Variants in KCTD8 observed in about 807,000 individuals in gnomAD.
KCTD8 encodes potassium channel tetramerization domain containing 8.
KCTD8 carries 27 observed loss-of-function variants against 31.5 expected under a neutral mutation model. The ratio of observed to expected loss-of-function variants is 0.86; its 90% CI spans 0.63 to 1.18. The LOEUF (loss-of-function observed/expected upper bound fraction) is 1.18, where lower values mean the gene tolerates loss of function less well. Among genes scored for constraint, KCTD8 ranks in the 50% most tolerant of loss-of-function variants. The pLI, the probability that KCTD8 is intolerant of heterozygous loss-of-function variation, is 0.00. For synonymous variants in KCTD8, 290 were observed against 280.0 expected (o/e 1.04, Z -0.36); for missense variants, 658 against 647.7 (o/e 1.02, Z -0.17).
At chr4:44,280,211 C>T (rs976408398) in intron 1 of KCTD8, among the ~76,000 whole-genome samples, 2 of 151,892 alleles carry the variant, frequency 1.3e-5, no homozygotes, top group African/African-American at 4.8e-5. Context: ...CTGTATTAGG[C>T]CTGAATTAAA....
intron 1 of KCTD8, among the ~76,000 whole-genome samples, chr4:44,412,945 T>A (rs1720995920): frequency 6.6e-6 from 1 of 152,164 alleles, no homozygotes; most frequent in Non-Finnish European, 1.5e-5. Context: ...CTTCCTCACC[T>A]TAACATGATC....
intron 1 of KCTD8, among the ~76,000 whole-genome samples, chr4:44,430,903 GTTAT>G (rs993660094): frequency 2.6e-5 from 4 of 151,112 alleles, no homozygotes; most frequent in African/African-American, 9.7e-5. Flanking sequence ...AGCCCTGATG[GTTAT>G]TTCTCTTTCT....
intron 1 of KCTD8, among the ~76,000 whole-genome samples, chr4:44,397,700 GATT>G (rs1282212749): frequency 6.6e-6 from 1 of 152,026 alleles, no homozygotes; most frequent in Non-Finnish European, 1.5e-5. Flanking sequence ...GTAAAAATGA[GATT>G]ATATCTTCTT....
chr4:44,325,997 C>G (rs1718433536), intron 1 of KCTD8, among the ~76,000 whole-genome samples: 1 of 151,908 alleles, frequency 6.6e-6, no homozygotes, highest in Non-Finnish European at 1.5e-5. Context: ...TAAAGACAAG[C>G]CAACCGTGAC....
chr4:44,410,648 A>G (rs1720931007), intron 1 of KCTD8, among the ~76,000 whole-genome samples: 1 of 152,140 alleles, frequency 6.6e-6, no homozygotes. Context: ...ATCATAGAGG[A>G]AGGCAAGGAG....
rs1328182959 is a variant in KCTD8 at position 44,174,419 on chromosome 4, A to G, written c.*371T>C. The G allele has an allele frequency of 6.0e-6, 1 of 165,916 alleles. No individual in the cohort carries two copies. The highest frequency in any genetic ancestry group is 1.3e-5 in the Non-Finnish European group (1 of 77,356). The allele number at this position is 165,916 out of a possible 1,614,324, so 10.3% of individuals were successfully genotyped here. ...CTTGATGTTGCTTCATCCATATATC[A>G]TTTTAGTTGGTATGATATGATGGTT... On this transcript the variant is annotated 3_prime_UTR_variant, in exon 2 of 2. Coordinates refer to ENST00000360029, the MANE Select transcript of KCTD8 (RefSeq NM_198353.3).
chr4:44,247,856 T>G (rs754384753), intron 1 of KCTD8, among the ~76,000 whole-genome samples: 60 of 151,872 alleles, frequency 4.0e-4, no homozygotes, highest in Non-Finnish European at 8.0e-4. Flanking sequence ...CATCCATTCA[T>G]CGATCAACGG....
intron 1 of KCTD8, among the ~76,000 whole-genome samples, chr4:44,423,216 A>G (rs904766977): frequency 2.0e-5 from 3 of 152,092 alleles, no homozygotes; most frequent in Admixed American, 6.6e-5. Context: ...TACTGAGCCC[A>G]AAATCTCAAT....
chr4:44,376,391 G>C (rs1255042113), intron 1 of KCTD8, among the ~76,000 whole-genome samples: 4 of 152,130 alleles, frequency 2.6e-5, no homozygotes, highest in Admixed American at 6.5e-5. Context: ...AGGTTGTAGG[G>C]CCACCACCCC....
At chr4:44,270,300 C>G (rs1280405854) in intron 1 of KCTD8, among the ~76,000 whole-genome samples, 2 of 148,230 alleles carry the variant, frequency 1.3e-5, no homozygotes, top group Non-Finnish European at 1.5e-5. Context: ...GACAAAAAAC[C>G]AAACACTGCA....
intron 1 of KCTD8, among the ~76,000 whole-genome samples, chr4:44,318,524 T>C (rs1391412016): frequency 6.6e-6 from 1 of 152,152 alleles, no homozygotes; most frequent in Non-Finnish European, 1.5e-5. Flanking sequence ...TAATCAATAT[T>C]GCTAAATACT....
rs114642312 is a variant in KCTD8 at position 44,401,934 on chromosome 4, C to A, written c.961+45629G>T. Among the ~76,000 whole-genome samples the A allele has an allele frequency of 5.5e-3, 840 of 152,218 alleles. 9 individuals are homozygous for A. Among genetic ancestry groups the A allele is most frequent in the African/African-American group, 0.019 (798 of 41,536 alleles). On this transcript the variant is annotated intron_variant, in intron 1 of 1. Coordinates refer to ENST00000360029, the MANE Select transcript of KCTD8 (RefSeq NM_198353.3). ...AATATACCCTCCCAAAATAATTTTA[C>A]ACAAAGAGCCACAAAGTTTGACCAA...
At chr4:44,406,445 G>A (rs1385236499) in intron 1 of KCTD8, among the ~76,000 whole-genome samples, 1 of 152,052 alleles carries the variant, frequency 6.6e-6, no homozygotes, top group Admixed American at 6.6e-5. Context: ...CTGTTCTCAT[G>A]GTAGTGAATA....
At chr4:44,424,666 A>C (rs1247112369) in intron 1 of KCTD8, among the ~76,000 whole-genome samples, 1 of 152,046 alleles carries the variant, frequency 6.6e-6, no homozygotes, top group East Asian at 1.9e-4. Flanking sequence ...AGTCACATGA[A>C]TGTTTCCCTA....
At chr4:44,336,237 T>C (rs1169136039) in intron 1 of KCTD8, among the ~76,000 whole-genome samples, 1 of 150,486 alleles carries the variant, frequency 6.6e-6, no homozygotes, top group East Asian at 1.9e-4. Context: ...CATTAGACTA[T>C]TAAAAACAAT....
At chr4:44,220,178 A>C (rs1714767641) in intron 1 of KCTD8, among the ~76,000 whole-genome samples, 1 of 152,186 alleles carries the variant, frequency 6.6e-6, no homozygotes, top group African/African-American at 2.4e-5. Flanking sequence ...AAAATGGGAT[A>C]GCTCAGGGTT....
intron 1 of KCTD8, among the ~76,000 whole-genome samples, chr4:44,348,717 G>GT (rs1719104104): frequency 6.6e-6 from 1 of 152,070 alleles, no homozygotes. Context: ...TTCAGTCCTT[G>GT]TTGCTTACAG....
intron 1 of KCTD8, among the ~76,000 whole-genome samples, chr4:44,253,121 T>C (rs1254821476): frequency 1.3e-5 from 2 of 151,780 alleles, no homozygotes; most frequent in Non-Finnish European, 2.9e-5. Context: ...TTTTAAAATA[T>C]AAGTTTTCTC....
chr4:44,448,658 C>T lies in KCTD8; in HGVS notation c.-135G>A, dbSNP rs994403113. 7 of 996,534 alleles carry T rather than the reference C, an allele frequency of 7.0e-6. No homozygotes were observed. The highest frequency in any genetic ancestry group is 4.2e-5 in the South Asian group (1 of 23,706). The allele number at this position is 996,534 out of a possible 1,614,324, so 61.7% of individuals were successfully genotyped here. ...CGGCGCGTTCCTCCGACCGGGGCGGCCCCGCTCAGGGTTCGGGGCAGCGGC... is the reference window on the plus strand; with the variant it reads ...CGGCGCGTTCCTCCGACCGGGGCGGTCCCGCTCAGGGTTCGGGGCAGCGGC... On this transcript the variant is annotated 5_prime_UTR_variant, in exon 1 of 2. Transcript: ENST00000360029. This position sits in a 1 kb window ranked among gnomAD's most constrained non-coding sequence, Gnocchi z 4.1.
Sources: gnomAD v4.1 joint callset for allele counts (sites outside exome capture counted in the v4.1 genomes callset) on GRCh38, gnomAD v4.1.1 for gene constraint, Gnocchi (gnomAD v3.1) non-coding constraint, MANE v1.5 for transcripts, NCBI Gene and HGNC (gene_info 2026-07-23, HGNC 2026-07-21) for gene names.